Variants in TBC1D14 observed in about 807,000 individuals in gnomAD.
TBC1D14 encodes the protein TBC1 domain family member 14.
In TBC1D14, 26 loss-of-function variants were observed where a neutral mutation model predicts 79.0. The ratio of observed to expected loss-of-function variants is 0.33; its 90% CI spans 0.24 to 0.46. The LOEUF is 0.46. Among genes scored for constraint, TBC1D14 ranks in the 20% least tolerant of loss-of-function variants. The pLI, the probability that TBC1D14 is intolerant of heterozygous loss-of-function variation, is 1.00. For missense variants in TBC1D14, 769 were observed against 887.6 expected, an observed-to-expected ratio of 0.87 and a Z score of 1.70; for synonymous variants, 394 against 349.9, an observed-to-expected ratio of 1.13 and a Z score of -1.40.
At chr4:6,994,958 A>G (rs1390144342) in intron 4 of TBC1D14, among the ~76,000 whole-genome samples, 1 of 151,992 alleles carries the variant, frequency 6.6e-6, no homozygotes, top group Non-Finnish European at 1.5e-5. Context: ...CTGGAAAGTT[A>G]GAGGCCATCA....
intron 4 of TBC1D14, among the ~76,000 whole-genome samples, chr4:6,995,962 G>A (rs749780670): frequency 2.6e-5 from 4 of 151,908 alleles, no homozygotes; most frequent in Non-Finnish European, 5.9e-5. Context: ...TCAGCCTCCT[G>A]ATTAGCTGGG....
chr4:6,998,952 C>A, intron 5 of TBC1D14, 133 bp from the exon 6 acceptor site: 2 of 731,804 alleles, frequency 2.7e-6, no homozygotes, highest in Non-Finnish European at 2.3e-6. Context: ...GTGAAGTGAG[C>A]GCTGGAGCTG....
intron 1 of TBC1D14, among the ~76,000 whole-genome samples, chr4:6,917,380 TG>T (rs1356901896): frequency 1.3e-5 from 2 of 152,172 alleles, no homozygotes; most frequent in Non-Finnish European, 2.9e-5. Context: ...GTAAAATAGC[TG>T]TTTCAGGTGG....
chr4:7,000,955 G>C, intron 6 of TBC1D14, among the ~76,000 whole-genome samples, 190 bp from the exon 7 acceptor site: 1 of 152,246 alleles, frequency 6.6e-6, no homozygotes. Context: ...TACCTGCCAC[G>C]GCAGCTGCCA....
intron 3 of TBC1D14, among the ~76,000 whole-genome samples, chr4:6,980,459 T>C (rs758941230): frequency 6.6e-6 from 1 of 152,142 alleles, no homozygotes; most frequent in African/African-American, 2.4e-5. Context: ...AATCAAAGTT[T>C]CTACCTGAAG....
chr4:6,946,856 T>C (rs1409977849), intron 2 of TBC1D14, among the ~76,000 whole-genome samples: 1 of 152,184 alleles, frequency 6.6e-6, no homozygotes, highest in African/African-American at 2.4e-5. Flanking sequence ...ATTTCTAATA[T>C]GGAAGGAACA....
chr4:6,931,626 G>C (rs1711747168), intron 2 of TBC1D14, among the ~76,000 whole-genome samples: 1 of 152,172 alleles, frequency 6.6e-6, no homozygotes, highest in African/African-American at 2.4e-5. Flanking sequence ...GAACAGCTGT[G>C]CTTGTAAGGG....
chr4:6,966,193 A>G (rs1020820743), intron 2 of TBC1D14, among the ~76,000 whole-genome samples: 2 of 152,302 alleles, frequency 1.3e-5, no homozygotes, highest in African/African-American at 4.8e-5. Context: ...CAGGCTGGCT[A>G]CTGTTTCTTT....
intron 2 of TBC1D14, among the ~76,000 whole-genome samples, chr4:6,924,749 C>T (rs1045232868): frequency 2.0e-5 from 3 of 152,172 alleles, no homozygotes; most frequent in Admixed American, 1.3e-4. Flanking sequence ...GGGGGGGCCG[C>T]GCCTTCAGCT....
intron 3 of TBC1D14, among the ~76,000 whole-genome samples, chr4:6,989,727 C>T (rs965938970): frequency 6.6e-6 from 1 of 152,178 alleles, no homozygotes; most frequent in Non-Finnish European, 1.5e-5. Context: ...CCCCTTCCCT[C>T]TTGCCCTGCA....
chr4:6,961,159 C>T (rs1715155714), intron 2 of TBC1D14, among the ~76,000 whole-genome samples: 1 of 152,118 alleles, frequency 6.6e-6, no homozygotes, highest in Admixed American at 6.5e-5. Flanking sequence ...CCCAGGGAAG[C>T]ACTGGGCCCT....
chr4:6,997,512 G>A (rs1251792931), intron 5 of TBC1D14, among the ~76,000 whole-genome samples: 1 of 152,158 alleles, frequency 6.6e-6, no homozygotes, highest in Admixed American at 6.5e-5. Context: ...TGTAGTCCCA[G>A]CTACTTGGGA....
chr4:6,984,777 T>G (rs1717673195), intron 3 of TBC1D14, among the ~76,000 whole-genome samples: 1 of 152,252 alleles, frequency 6.6e-6, no homozygotes, highest in South Asian at 2.1e-4. Context: ...CTCTCTGGTA[T>G]GCTTAGGAAT....
At chr4:6,998,954 C>A (rs763755192) in intron 5 of TBC1D14, 131 bp from the exon 6 acceptor site, 15 of 755,748 alleles carry the variant, frequency 2.0e-5, no homozygotes, top group Non-Finnish European at 2.5e-5. Context: ...GAAGTGAGCG[C>A]TGGAGCTGAT....
At chr4:6,977,958 T>C (rs1177016570) in intron 3 of TBC1D14, among the ~76,000 whole-genome samples, 14 of 146,422 alleles carry the variant, frequency 9.6e-5, no homozygotes, top group Admixed American at 6.1e-4. Flanking sequence ...GGAGACCCTC[T>C]GCCTGGCAAC....
intron 2 of TBC1D14, among the ~76,000 whole-genome samples, chr4:6,928,959 T>C (rs547395840): frequency 6.6e-6 from 1 of 152,358 alleles, no homozygotes; most frequent in Non-Finnish European, 1.5e-5. Flanking sequence ...TTTGGCCATC[T>C]TAGAATTAGC....
intron 9 of TBC1D14, among the ~76,000 whole-genome samples, chr4:7,009,113 T>G (rs886428690): frequency 6.6e-6 from 1 of 152,260 alleles, no homozygotes; most frequent in South Asian, 2.1e-4. Context: ...GTGGAGTGAC[T>G]TCTTATCTCT....
chr4:6,963,689 A>G (rs1340181292), intron 2 of TBC1D14, among the ~76,000 whole-genome samples: 1 of 152,218 alleles, frequency 6.6e-6, no homozygotes, highest in African/African-American at 2.4e-5. Flanking sequence ...TTGGGGTCGC[A>G]CTTCAGCCTC....
At chr4:7,024,483 G>C (rs1035527852) in intron 12 of TBC1D14, among the ~76,000 whole-genome samples, 1 of 152,160 alleles carries the variant, frequency 6.6e-6, no homozygotes. Context: ...AGAGATTGCC[G>C]GACAGGGCAC....
Sources: gnomAD v4.1 joint callset for allele counts (sites outside exome capture counted in the v4.1 genomes callset) on GRCh38, gnomAD v4.1.1 for gene constraint, MANE v1.5 for transcripts, NCBI Gene and HGNC (gene_info 2026-07-23, HGNC 2026-07-21) for gene names.